TMOD1: variants seen among roughly 807,000 people sequenced by gnomAD.
TMOD1 encodes the protein tropomodulin 1, also known as tropomodulin-1.
In TMOD1, 17 loss-of-function variants were observed where a neutral mutation model predicts 40.6. The ratio of observed to expected loss-of-function variants is 0.42; its 90% CI spans 0.29 to 0.63. The LOEUF (loss-of-function observed/expected upper bound fraction) is 0.63. Among genes scored for constraint, TMOD1 ranks in the 20% least tolerant of loss-of-function variants. The pLI, the probability that TMOD1 is intolerant of heterozygous loss-of-function variation, is 0.22. For synonymous variants in TMOD1, 181 were observed against 175.0 expected (o/e 1.03, Z -0.27); for missense variants, 391 against 447.6 (o/e 0.87, Z 1.14).
chr9:97,576,550 CACAAA>C (rs1218870364), intron 8 of TMOD1, among the ~76,000 whole-genome samples: 1 of 151,862 alleles, frequency 6.6e-6, no homozygotes, highest in Non-Finnish European at 1.5e-5. Flanking sequence ...AAACAAGTAC[CACAAA>C]ACAAAACAAA....
Position 97,600,168 on chromosome 9 carries a change from T to G in TMOD1, c.*470T>G. On this transcript the variant is annotated 3_prime_UTR_variant, in exon 10 of 10. Transcript: ENST00000259365. Reference sequence around the variant, plus strand: ...GATTATCATTCTTTATTAACCCTCCTTGGAATTTTGAAAACCTCGATTAAA... The same window carrying G: ...GATTATCATTCTTTATTAACCCTCCGTGGAATTTTGAAAACCTCGATTAAA... 1.0e-6 allele frequency: 1 copy of G among 996,670 alleles called. No individual in the cohort carries two copies. The highest frequency in any genetic ancestry group is 1.2e-6 in the Non-Finnish European group (1 of 835,442). The allele number at this position is 996,670 out of a possible 1,614,324, so 61.7% of individuals were successfully genotyped here.
chr9:97,600,112 A>C lies in TMOD1; in HGVS notation c.*414A>C. The C allele has an allele frequency of 3.0e-6, 3 of 1,006,026 alleles. No homozygotes were observed. Among genetic ancestry groups the C allele is most frequent in the Non-Finnish European group, 3.6e-6 (3 of 840,432 alleles). The allele number at this position is 1,006,026 out of a possible 1,614,324, so 62.3% of individuals were successfully genotyped here. ...GAAGTATTATAAAACACTTTATTAC[A>C]AATTTGTCTTAGCTATTAGCAAATA... is the stretch of plus-strand genomic sequence containing the variant. On this transcript the variant is annotated 3_prime_UTR_variant, in exon 10 of 10. Coordinates refer to ENST00000259365, the MANE Select transcript of TMOD1 (RefSeq NM_003275.4).
intron 1 of TMOD1, among the ~76,000 whole-genome samples, chr9:97,523,244 T>C (rs1198120645): frequency 4.6e-5 from 7 of 152,224 alleles, no homozygotes; most frequent in Middle Eastern, 6.8e-3. Context: ...CCAAATGCGT[T>C]GGGTGTCATC....
At position 97,502,359 on chromosome 9, in the gene TMOD1, A is replaced by T. The variant is rs1312369134; in HGVS notation, c.-49+556A>T. ...TGTTTGGGGCAGGTGAAGTTTCCCA[A>T]ACTGGGAGAGACAAGGTTTAAAGCA... is the stretch of plus-strand genomic sequence containing the variant. On this transcript the variant is annotated intron_variant, in intron 1 of 9. Transcript: ENST00000259365. This position sits in a 1 kb window ranked among gnomAD's most constrained non-coding sequence, Gnocchi z 6.1. Among the ~76,000 whole-genome samples, 1 of 152,132 alleles carries T rather than the reference A, an allele frequency of 6.6e-6. No homozygotes were observed. Among genetic ancestry groups the T allele is most frequent in the Admixed American group, 6.5e-5 (1 of 15,282 alleles).
chr9:97,514,411 C>A (rs1009374615), intron 1 of TMOD1, among the ~76,000 whole-genome samples: 1 of 151,996 alleles, frequency 6.6e-6, no homozygotes, highest in African/African-American at 2.4e-5. Context: ...AACCACCGCA[C>A]CTGGCCGAAA....
intron 2 of TMOD1, among the ~76,000 whole-genome samples, chr9:97,530,495 T>G (rs1318770690): frequency 6.6e-6 from 1 of 151,860 alleles, no homozygotes; most frequent in Non-Finnish European, 1.5e-5. Flanking sequence ...AGGAGTTTTT[T>G]TTTTTTTTTT....
At chr9:97,588,236 T>G (rs995637921) in intron 8 of TMOD1, among the ~76,000 whole-genome samples, 3 of 152,254 alleles carry the variant, frequency 2.0e-5, no homozygotes, top group Non-Finnish European at 4.4e-5. Flanking sequence ...GGTGCCACTT[T>G]CTCCACATTC....
intron 1 of TMOD1, among the ~76,000 whole-genome samples, chr9:97,521,056 C>A (rs141325938): frequency 1.2e-4 from 19 of 152,312 alleles, no homozygotes; most frequent in African/African-American, 4.6e-4. Flanking sequence ...TCCCAGGGTT[C>A]CCAACCTGTC....
chr9:97,572,409 G>T (rs1317852569), intron 8 of TMOD1, among the ~76,000 whole-genome samples: 1 of 152,168 alleles, frequency 6.6e-6, no homozygotes, highest in Non-Finnish European at 1.5e-5. Flanking sequence ...AGGGTATCAG[G>T]GCCCAGGAGA....
Position 97,553,378 on chromosome 9 carries a change from T to G in TMOD1, c.375T>G (p.Asp125Glu), listed in dbSNP as rs1202392648. Residue 125 changes from aspartate (D) to glutamate (E), a missense_variant, in exon 4 of 10, where the codon GAT becomes GAG. Physicochemically the swap from Asp to Glu is conservative, Grantham distance 45. Transcript: ENST00000259365. ...ELEEALANAS[D>E]AELCDIAAIL... ...AGGAAGCCTTGGCAAATGCTTCAGA[T>G]GCAGAACTCTGTGACATTGCAGGTA... 2.5e-6 allele frequency: 4 copies of G among 1,614,226 alleles called. No homozygotes were observed. Among genetic ancestry groups the G allele is most frequent in the Non-Finnish European group, 3.4e-6 (4 of 1,180,028 alleles).
intron 5 of TMOD1, among the ~76,000 whole-genome samples, chr9:97,563,711 C>T (rs1481513733): frequency 6.6e-6 from 1 of 152,240 alleles, no homozygotes; most frequent in African/African-American, 2.4e-5. Context: ...CGGGCTTCAT[C>T]TTAGCCTCCC....
intron 2 of TMOD1, among the ~76,000 whole-genome samples, chr9:97,538,539 T>C (rs1830222622): frequency 6.6e-6 from 1 of 152,176 alleles, no homozygotes; most frequent in Non-Finnish European, 1.5e-5. Flanking sequence ...AAATTCCTTA[T>C]AGGTTAAATG....
rs1830480766 is a variant in TMOD1, at chr9:97,553,292, G to C, written c.289G>C (p.Val97Leu). Residue 97 changes from valine to leucine, a missense_variant, in exon 4 of 10, where the codon GTT becomes CTT. Coordinates refer to ENST00000259365, the MANE Select transcript of TMOD1 (RefSeq NM_003275.4). The part of the protein sequence containing the change: ...YTGEKRGKVW[V>L]PKQKPLDPVL... ...CTGTGTGTTTGCAGGAAAGGTCTGG[G>C]TTCCTAAGCAGAAGCCACTGGATCC... 2.5e-6 allele frequency: 4 copies of C among 1,614,004 alleles called. No individual in the cohort carries two copies. Among genetic ancestry groups the C allele is most frequent in the Non-Finnish European group, 3.4e-6 (4 of 1,180,032 alleles).
At chr9:97,597,262 T>C (rs751838166) in intron 9 of TMOD1, among the ~76,000 whole-genome samples, 1 of 152,244 alleles carries the variant, frequency 6.6e-6, no homozygotes, top group Non-Finnish European at 1.5e-5. Context: ...CAGCTTTTAC[T>C]CCCAGTTTTG....
In TMOD1 at chr9:97,600,452, C is replaced by CTT. The variant is rs1473632476; in HGVS notation, c.*758_*759dup. On this transcript the variant is annotated 3_prime_UTR_variant, in exon 10 of 10. Transcript: ENST00000259365. Reference sequence around the variant, plus strand: ...GTACAATTTAATACTGGAGTTAGAACTTTTTCCTTATTGAATGCCAACCTT... The same window carrying CTT: ...GTACAATTTAATACTGGAGTTAGAACTTTTTTTCCTTATTGAATGCCAACCTT... 1.0e-5 allele frequency: 10 copies of CTT among 985,456 alleles called. No individual in the cohort carries two copies. In the Admixed American group the frequency reaches 2.5e-4, roughly 24 times the overall value. 61.0% of individuals were successfully genotyped at this position (985,456 alleles called of 1,614,324 possible).
At chr9:97,586,995 C>A (rs1053333294) in intron 8 of TMOD1, among the ~76,000 whole-genome samples, 1 of 152,216 alleles carries the variant, frequency 6.6e-6, no homozygotes, top group Non-Finnish European at 1.5e-5. Flanking sequence ...AGCTGTAGAC[C>A]GGAGCTGTTC....
chr9:97,514,714 C>T (rs1002078794), intron 1 of TMOD1, among the ~76,000 whole-genome samples: 3 of 152,210 alleles, frequency 2.0e-5, no homozygotes, highest in African/African-American at 4.8e-5. Flanking sequence ...TGTCCTGGCA[C>T]AGGGGTTGTA....
At chr9:97,533,313 C>T (rs1830131097) in intron 2 of TMOD1, among the ~76,000 whole-genome samples, 1 of 152,236 alleles carries the variant, frequency 6.6e-6, no homozygotes, top group South Asian at 2.1e-4. Context: ...GCACCTAGCC[C>T]AGTGCCTGGC....
chr9:97,530,600 T>G (rs528518354), intron 2 of TMOD1, among the ~76,000 whole-genome samples: 2 of 151,604 alleles, frequency 1.3e-5, no homozygotes, highest in African/African-American at 2.4e-5. Flanking sequence ...CCATTCTCCT[T>G]CCTCAGCCTC....
Sources: allele counts gnomAD v4.1 joint callset (sites outside exome capture counted in the v4.1 genomes callset), GRCh38; gene constraint gnomAD v4.1.1; non-coding constraint Gnocchi (gnomAD v3.1); transcripts MANE v1.5; gene names NCBI Gene and HGNC (gene_info 2026-07-23, HGNC 2026-07-21).